Variants in CNTN3 observed in about 807,000 individuals in gnomAD.
The protein encoded by CNTN3 is contactin 3, also known as contactin-3.
Under a neutral mutation model 119.1 loss-of-function variants are expected in CNTN3, and 60 were observed. The ratio of observed to expected loss-of-function variants is 0.50; its 90% CI spans 0.41 to 0.62. The LOEUF is 0.62. Among genes scored for constraint, CNTN3 ranks in the 20% least tolerant of loss-of-function variants. The pLI is 0.00. For missense variants in CNTN3, 1,101 were observed against 1,242.4 expected (o/e 0.89, Z 1.71); for synonymous variants, 450 against 438.7 (o/e 1.03, Z -0.32).
chr3:74,570,847 G>A (rs1276998420), intron 1 of CNTN3, among the ~76,000 whole-genome samples: 1 of 152,122 alleles, frequency 6.6e-6, no homozygotes, highest in Non-Finnish European at 1.5e-5. Context: ...TTTCGAACTT[G>A]TAACTGAAAG....
chr3:74,551,365 G>T (rs1703987303), intron 1 of CNTN3, among the ~76,000 whole-genome samples: 1 of 152,148 alleles, frequency 6.6e-6, no homozygotes, highest in South Asian at 2.1e-4. Context: ...AAACTGAGAA[G>T]AAAGTACAAA....
chr3:74,575,321 G>C (rs1024841549), intron 1 of CNTN3, among the ~76,000 whole-genome samples: 1 of 151,862 alleles, frequency 6.6e-6, no homozygotes, highest in Non-Finnish European at 1.5e-5. Context: ...GCGTGATCTC[G>C]GCTCACTGCA....
At chr3:74,613,750 G>A (rs1705122157) in intron 1 of CNTN3, among the ~76,000 whole-genome samples, 1 of 152,172 alleles carries the variant, frequency 6.6e-6, no homozygotes. Flanking sequence ...TCTGTTACCT[G>A]CTTGGTTAGC....
intron 5 of CNTN3, among the ~76,000 whole-genome samples, chr3:74,408,753 C>T (rs2106865807): frequency 6.6e-6 from 1 of 152,182 alleles, no homozygotes; most frequent in South Asian, 2.1e-4. Flanking sequence ...AGAGTAATTA[C>T]CCTACAGGAG....
At chr3:74,572,821 A>C (rs9814962) in intron 1 of CNTN3, among the ~76,000 whole-genome samples, 122,288 of 152,214 alleles carry the variant, frequency 0.8, 49,280 homozygotes, top group African/African-American at 0.85. Context: ...ACTTATGAGA[A>C]GCCAGGGGAA....
chr3:74,284,734 T>C (rs559360518), intron 20 of CNTN3, among the ~76,000 whole-genome samples: 7 of 152,330 alleles, frequency 4.6e-5, no homozygotes, highest in African/African-American at 9.6e-5. Context: ...TAACTCATGA[T>C]TGCAGCTGGC....
chr3:74,478,371 T>A (rs1348930710), intron 4 of CNTN3, among the ~76,000 whole-genome samples: 1 of 152,064 alleles, frequency 6.6e-6, no homozygotes, highest in Non-Finnish European at 1.5e-5. Flanking sequence ...TCCCCCACAC[T>A]AGAAGAGAAG....
In CNTN3 at chr3:74,609,621, G is replaced by A. The variant is rs145067494; in HGVS notation, c.-81+4770C>T. 7.4e-4 allele frequency among the ~76,000 whole-genome samples: 113 copies of A among 152,248 alleles called. 1 individual carries two copies. The highest frequency in any genetic ancestry group is 2.6e-3 in the African/African-American group (110 of 41,550). Reference sequence around the variant, plus strand: ...AGTAGCAGGTGTCCAAGAGATGTACGAGATCACGGGCAATGTGACAGAAAG... The same window carrying A: ...AGTAGCAGGTGTCCAAGAGATGTACAAGATCACGGGCAATGTGACAGAAAG... On this transcript the variant is annotated intron_variant, in intron 1 of 22. Transcript: ENST00000263665.
At chr3:74,469,703 T>C (rs1445321414) in intron 4 of CNTN3, among the ~76,000 whole-genome samples, 2 of 152,084 alleles carry the variant, frequency 1.3e-5, no homozygotes, top group Non-Finnish European at 2.9e-5. Flanking sequence ...CAATAACAAA[T>C]GTTGGCTAGA....
intron 1 of CNTN3, among the ~76,000 whole-genome samples, chr3:74,608,012 A>G (rs1410288087): frequency 6.6e-6 from 1 of 152,208 alleles, no homozygotes; most frequent in African/African-American, 2.4e-5. Flanking sequence ...ACAGATATAT[A>G]CAATGTCACC....
chr3:74,586,392 C>T (rs1287099176), intron 1 of CNTN3, among the ~76,000 whole-genome samples: 3 of 152,198 alleles, frequency 2.0e-5, no homozygotes, highest in East Asian at 1.9e-4. Flanking sequence ...AAACACTTCC[C>T]CTCATTTGTA....
At chr3:74,495,944 A>G (rs1703055121) in intron 3 of CNTN3, among the ~76,000 whole-genome samples, 1 of 152,044 alleles carries the variant, frequency 6.6e-6, no homozygotes, top group African/African-American at 2.4e-5. Flanking sequence ...ATTTATAGAA[A>G]AGAGTTGTGG....
intron 13 of CNTN3, among the ~76,000 whole-genome samples, chr3:74,331,103 G>A (rs1333125210): frequency 2.0e-5 from 3 of 152,172 alleles, no homozygotes; most frequent in Non-Finnish European, 4.4e-5. Context: ...TTTCAGTAGT[G>A]TACAGCAATG....
At chr3:74,602,407 T>C (rs917615035) in intron 1 of CNTN3, among the ~76,000 whole-genome samples, 9 of 151,890 alleles carry the variant, frequency 5.9e-5, no homozygotes, top group South Asian at 2.1e-4. Flanking sequence ...TTTTAGACTA[T>C]TGAAATTTGG....
chr3:74,541,559 A>G (rs956884787), intron 1 of CNTN3, among the ~76,000 whole-genome samples: 13 of 152,318 alleles, frequency 8.5e-5, no homozygotes, highest in African/African-American at 3.1e-4. Context: ...ACATGAATAC[A>G]TAGTAAAACT....
intron 11 of CNTN3, among the ~76,000 whole-genome samples, chr3:74,351,154 C>G (rs1322507729): frequency 6.6e-6 from 1 of 152,206 alleles, no homozygotes; most frequent in Admixed American, 6.5e-5. Context: ...AAACCTTTTG[C>G]TGAGCATCTA....
At chr3:74,438,137 C>G (rs1701902978) in intron 4 of CNTN3, among the ~76,000 whole-genome samples, 1 of 151,974 alleles carries the variant, frequency 6.6e-6, no homozygotes, top group Admixed American at 6.6e-5. Flanking sequence ...CAAATTATAC[C>G]ACTTCAATGC....
intron 5 of CNTN3, among the ~76,000 whole-genome samples, chr3:74,406,803 A>C (rs1258687965): frequency 1.3e-5 from 2 of 152,164 alleles, no homozygotes; most frequent in Non-Finnish European, 2.9e-5. Context: ...TAAAATATAA[A>C]TAACAGCACA....
intron 1 of CNTN3, among the ~76,000 whole-genome samples, chr3:74,566,544 A>C (rs952294881): frequency 2.4e-4 from 36 of 152,178 alleles, no homozygotes; most frequent in Admixed American, 3.3e-4. Context: ...CCTTTGGCTT[A>C]GGGCATCTTA....
Sources: allele counts gnomAD v4.1 joint callset (sites outside exome capture counted in the v4.1 genomes callset), GRCh38; gene constraint gnomAD v4.1.1; transcripts MANE v1.5; gene names NCBI Gene and HGNC (gene_info 2026-07-23, HGNC 2026-07-21).